The following ALK variants were observed in gnomAD, a reference collection of about 807,000 sequenced individuals.
The protein encoded by ALK is ALK receptor tyrosine kinase.
In ALK, 74 loss-of-function variants were observed where a neutral mutation model predicts 163.1. The ratio of observed to expected loss-of-function variants is 0.45; its 90% CI spans 0.38 to 0.55. ALK has a LOEUF of 0.55. ALK is among the 20% of genes least tolerant of loss of function. The probability of loss-of-function intolerance (pLI) is 0.00; values close to 1 mark genes in which losing one functional copy is unlikely to be tolerated. For synonymous variants in ALK, 960 were observed against 843.2 expected (o/e 1.14, Z -2.40); for missense variants, 2,063 against 2,105.3 (o/e 0.98, Z 0.39).
At chr2:29,757,928 A>C (rs1352708976) in intron 1 of ALK, among the ~76,000 whole-genome samples, 1 of 150,788 alleles carries the variant, frequency 6.6e-6, no homozygotes, top group Non-Finnish European at 1.5e-5. Context: ...ACATGATCTC[A>C]CTCAGGCCTT....
In ALK at chr2:29,544,290, G is replaced by A. The variant is rs146676512; in HGVS notation, c.953-12174C>T. On this transcript the variant is annotated intron_variant, in intron 3 of 28. Coordinates refer to ENST00000389048, the MANE Select transcript of ALK (RefSeq NM_004304.5). The stretch of plus-strand genomic sequence containing the variant: ...ACACCAGCCCCATGGATGTCAACAG[G>A]TATTATGAGAAGGCTCTGTGGGCGA... 5.5e-4 allele frequency among the ~76,000 whole-genome samples: 83 copies of A among 152,244 alleles called. 1 individual carries two copies. Among genetic ancestry groups the A allele is most frequent in the African/African-American group, 1.9e-3 (78 of 41,526 alleles).
chr2:29,204,083 A>G (rs1275951502), intron 26 of ALK, among the ~76,000 whole-genome samples: 1 of 152,108 alleles, frequency 6.6e-6, no homozygotes, highest in Non-Finnish European at 1.5e-5. Context: ...CATTTCTGTC[A>G]TCAAATTTTT....
chr2:29,591,717 G>C (rs547247354), intron 3 of ALK, among the ~76,000 whole-genome samples: 2 of 152,122 alleles, frequency 1.3e-5, no homozygotes, highest in South Asian at 4.2e-4. Flanking sequence ...AGGGGGCCTG[G>C]TAAGACAAGG....
At chr2:29,602,111 C>T (rs546135790) in intron 3 of ALK, among the ~76,000 whole-genome samples, 6 of 152,220 alleles carry the variant, frequency 3.9e-5, no homozygotes, top group African/African-American at 1.2e-4. Context: ...TGAGCAAACT[C>T]GATATGAATC....
At chr2:29,270,467 C>T (rs1249578433) in intron 11 of ALK, among the ~76,000 whole-genome samples, 1 of 152,224 alleles carries the variant, frequency 6.6e-6, no homozygotes, top group Admixed American at 6.5e-5. Context: ...TTGGGCCAGG[C>T]TCCTTGTCTG....
intron 4 of ALK, among the ~76,000 whole-genome samples, chr2:29,496,205 A>G (rs1672016487): frequency 6.6e-6 from 1 of 152,250 alleles, no homozygotes; most frequent in Non-Finnish European, 1.5e-5. Flanking sequence ...ATCTGAATGT[A>G]GGATAGCATA....
At chr2:29,585,822 A>C (rs896892096) in intron 3 of ALK, among the ~76,000 whole-genome samples, 2 of 152,032 alleles carry the variant, frequency 1.3e-5, no homozygotes, top group African/African-American at 4.8e-5. Context: ...ATGTTGTATT[A>C]AAAAATCTTT....
chr2:29,380,357 G>C (rs1262904751), intron 5 of ALK, among the ~76,000 whole-genome samples: 1 of 151,904 alleles, frequency 6.6e-6, no homozygotes, highest in East Asian at 1.9e-4. Context: ...ACCTGCCTCA[G>C]CCTCCCAAAG....
At chr2:29,380,472 G>A (rs973495984) in intron 5 of ALK, among the ~76,000 whole-genome samples, 1 of 152,024 alleles carries the variant, frequency 6.6e-6, no homozygotes, top group African/African-American at 2.4e-5. Context: ...AGGCTGGAGT[G>A]CAATGGTGCC....
In ALK at chr2:29,257,964, G is replaced by A. The variant is rs1158129832; in HGVS notation, c.2042-6697C>T. Among the ~76,000 whole-genome samples the A allele has an allele frequency of 1.3e-5, 2 of 152,134 alleles. 1 individual carries two copies. ...AGCGATCCTACCACCTCAGACTCCA[G>A]AGTAGCTGGGACCACAGGCACATGC... On this transcript the variant is annotated intron_variant, in intron 11 of 28. Coordinates refer to ENST00000389048, the MANE Select transcript of ALK (RefSeq NM_004304.5).
intron 4 of ALK, among the ~76,000 whole-genome samples, chr2:29,385,008 C>T (rs1433704977): frequency 1.3e-5 from 2 of 151,804 alleles, no homozygotes; most frequent in Non-Finnish European, 2.9e-5. Flanking sequence ...CAGAGATCGC[C>T]ACTGCATTCC....
chr2:29,670,529 C>G (rs1263948934), intron 3 of ALK, among the ~76,000 whole-genome samples: 1 of 151,892 alleles, frequency 6.6e-6, no homozygotes, highest in Non-Finnish European at 1.5e-5. Flanking sequence ...TGTTCATAGA[C>G]CTTGGATTTG....
intron 4 of ALK, among the ~76,000 whole-genome samples, chr2:29,387,066 G>A (rs1669048793): frequency 6.6e-6 from 1 of 152,186 alleles, no homozygotes; most frequent in Admixed American, 6.5e-5. Context: ...CTGGTTCCAT[G>A]TGTTGGGGAT....
intron 4 of ALK, among the ~76,000 whole-genome samples, chr2:29,386,647 C>T (rs535494529): frequency 2.0e-5 from 3 of 152,212 alleles, no homozygotes; most frequent in Non-Finnish European, 2.9e-5. Context: ...TATATTGGCA[C>T]TAGCCCTCTG....
intron 3 of ALK, among the ~76,000 whole-genome samples, chr2:29,585,836 G>T (rs1674871028): frequency 6.6e-6 from 1 of 151,610 alleles, no homozygotes; most frequent in Non-Finnish European, 1.5e-5. Flanking sequence ...AATCTTTCTA[G>T]AAATTTTTTG....
intron 1 of ALK, among the ~76,000 whole-genome samples, chr2:29,779,946 C>A (rs948477824): frequency 6.6e-6 from 1 of 152,142 alleles, no homozygotes; most frequent in East Asian, 1.9e-4. Flanking sequence ...TCACTGACAC[C>A]AGGAAACTGT....
At chr2:29,629,564 TTC>T (rs1676297309) in intron 3 of ALK, among the ~76,000 whole-genome samples, 1 of 152,234 alleles carries the variant, frequency 6.6e-6, no homozygotes. Flanking sequence ...TCATAATTCT[TTC>T]TGTTACACCT....
intron 3 of ALK, among the ~76,000 whole-genome samples, chr2:29,693,867 G>A (rs1384050935): frequency 2.6e-5 from 4 of 152,058 alleles, no homozygotes; most frequent in Non-Finnish European, 5.9e-5. Context: ...TGTGATCTTG[G>A]GGCAGTCACT....
intron 4 of ALK, among the ~76,000 whole-genome samples, chr2:29,468,281 C>A (rs1671261540): frequency 6.6e-6 from 1 of 152,174 alleles, no homozygotes; most frequent in South Asian, 2.1e-4. Context: ...CCCACCTCGG[C>A]CTCCCAAAGT....
Sources: gnomAD v4.1 joint callset for allele counts (sites outside exome capture counted in the v4.1 genomes callset) on GRCh38, gnomAD v4.1.1 for gene constraint, MANE v1.5 for transcripts, NCBI Gene and HGNC (gene_info 2026-07-23, HGNC 2026-07-21) for gene names.